The following ANKAR variants were observed in gnomAD, a reference collection of about 807,000 sequenced individuals.
ANKAR encodes ankyrin and armadillo repeat-containing protein.
Under a neutral mutation model 146.2 loss-of-function variants are expected in ANKAR, and 136 were observed. The ratio of observed to expected loss-of-function variants is 0.93; its 90% CI spans 0.81 to 1.07. The LOEUF (loss-of-function observed/expected upper bound fraction) is 1.07. Ranked by LOEUF, ANKAR falls within the 50% of genes least tolerant of loss-of-function variation. The probability of loss-of-function intolerance (pLI) is 0.00; values close to 1 mark genes in which losing one functional copy is unlikely to be tolerated. For synonymous variants in ANKAR, 500 were observed against 575.8 expected (o/e 0.87, Z 1.88); for missense variants, 1,567 against 1,679.9 (o/e 0.93, Z 1.18).
chr2:189,743,993 C>T (rs533541502), intron 21 of ANKAR, among the ~76,000 whole-genome samples: 1 of 152,064 alleles, frequency 6.6e-6, no homozygotes, highest in Non-Finnish European at 1.5e-5. Context: ...TTAACTCCCC[C>T]CAAAAAGGGA....
At chr2:189,679,375 G>A (rs1253109664) in intron 2 of ANKAR, among the ~76,000 whole-genome samples, 1 of 151,998 alleles carries the variant, frequency 6.6e-6, no homozygotes, top group Non-Finnish European at 1.5e-5. Context: ...GAATCCTTAG[G>A]GTTTTCTAGG....
rs928580095 is a variant in ANKAR at position 189,711,112 on chromosome 2, G to T, written c.2183G>T (p.Cys728Phe). 5.6e-5 allele frequency: 91 copies of T among 1,613,952 alleles called. No homozygotes were observed. The highest frequency in any genetic ancestry group is 7.3e-5 in the Non-Finnish European group (86 of 1,179,988). ...MMAVMSLEVI[C>F]LANDQYWRCI... is the part of the protein sequence containing the mutation. ...GCCGTCATGTCCTTGGAAGTAATTT[G>T]CTTAGCAAATGATCAATACTGGAGA... Residue 728 changes from cysteine to phenylalanine, a missense_variant, in exon 10 of 23, where the codon TGC (cysteine) becomes TTC (phenylalanine). Cys to Phe is a radical substitution (Grantham distance 205). Transcript: ENST00000684021.
chr2:189,690,519 T>C (rs975013097), intron 3 of ANKAR, among the ~76,000 whole-genome samples: 15 of 152,212 alleles, frequency 9.9e-5, no homozygotes, highest in Admixed American at 2.0e-4. Flanking sequence ...TTAATGGAAT[T>C]TGATGGGACT....
At chr2:189,705,320 C>A in intron 8 of ANKAR, 96 bp downstream of exon 8, 1 of 1,260,000 alleles carries the variant, frequency 7.9e-7, no homozygotes. Flanking sequence ...TAAATTTCTG[C>A]TTTTCATGGC....
At chr2:189,759,763 A>T (rs998797964) in intron 18 of ANKAR, among the ~76,000 whole-genome samples, 13 of 141,272 alleles carry the variant, frequency 9.2e-5, no homozygotes, top group South Asian at 2.2e-4. Flanking sequence ...TTATTTATTT[A>T]TTTTTTTAGT....
In ANKAR at chr2:189,746,446, C is replaced by A. The variant is rs755087833; in HGVS notation, c.4124C>A (p.Pro1375His). ...AAAGATTCTTTGACTTTATTACCTC[C>A]TGTAACTAACTTCATGGGACTCTTC... ...QPKDSLTLLP[P>H]VTNFMGLFKA... The change falls in exon 23 of 23, where the codon CCT (proline) becomes CAT (histidine). Residue 1375 changes from proline to histidine, a missense_variant. By Grantham distance (77) the Pro-to-His change is moderately conservative. Coordinates refer to ENST00000684021, the MANE Select transcript of ANKAR (RefSeq NM_001378068.1). 1 of 1,612,742 alleles carries A rather than the reference C, an allele frequency of 6.2e-7. No individual in the cohort carries two copies. Among genetic ancestry groups the A allele is most frequent in the East Asian group, 2.2e-5 (1 of 44,842 alleles).
intron 18 of ANKAR, 121 bp from the exon 19 acceptor site, chr2:189,738,444 A>G (rs1297694581): frequency 1.6e-6 from 1 of 642,574 alleles, no homozygotes; most frequent in Non-Finnish European, 2.7e-6. Context: ...TGAATCCTCT[A>G]AACACTCCCT....
intron 19 of ANKAR, among the ~76,000 whole-genome samples, chr2:189,740,793 A>G (rs2043261296): frequency 6.6e-6 from 1 of 152,056 alleles, no homozygotes; most frequent in Non-Finnish European, 1.5e-5. Flanking sequence ...TCCCAGGTAC[A>G]AGCGATTCTC....
chr2:189,677,170 C>T (rs964385376), intron 2 of ANKAR, 79 bp downstream of exon 2: 71 of 1,374,612 alleles, frequency 5.2e-5, no homozygotes, highest in African/African-American at 8.9e-5. Context: ...AGGGTGGTCA[C>T]GAACCCCTGA....
intron 5 of ANKAR, 104 bp from the exon 6 acceptor site, chr2:189,694,877 T>A: frequency 1.5e-6 from 1 of 653,714 alleles, no homozygotes; most frequent in Non-Finnish European, 2.4e-6. Flanking sequence ...TACCATTTTG[T>A]ATTTAATTGT....
At chr2:189,697,233 TA>T (rs75617061) in intron 7 of ANKAR, among the ~76,000 whole-genome samples, 2,856 of 137,142 alleles carry the variant, frequency 0.021, 88 homozygotes, top group African/African-American at 0.068. Flanking sequence ...CCCATAAAAT[TA>T]AAAAAAAAAA....
intron 10 of ANKAR, among the ~76,000 whole-genome samples, chr2:189,713,882 G>A (rs1223224889): frequency 1.3e-5 from 2 of 152,290 alleles, no homozygotes; most frequent in Admixed American, 6.5e-5. Flanking sequence ...CATGTGCAGA[G>A]ACACACATAG....
At chr2:189,714,231 G>A (rs2105736972) in intron 10 of ANKAR, among the ~76,000 whole-genome samples, 1 of 152,216 alleles carries the variant, frequency 6.6e-6, no homozygotes, top group Admixed American at 6.5e-5. Context: ...AGGATATTCA[G>A]GACCTGAACT....
At chr2:189,729,451 A>G (rs780763934) in intron 15 of ANKAR, among the ~76,000 whole-genome samples, 29 of 152,286 alleles carry the variant, frequency 1.9e-4, no homozygotes, top group Non-Finnish European at 3.7e-4. Context: ...ATAGGAATTG[A>G]TTCTCACATT....
At chr2:189,723,766 A>G (rs2041568271) in intron 12 of ANKAR, among the ~76,000 whole-genome samples, 1 of 152,160 alleles carries the variant, frequency 6.6e-6, no homozygotes, top group Non-Finnish European at 1.5e-5. Flanking sequence ...TTCATCCAGC[A>G]TACTCTTCTT....
At chr2:189,753,725 A>T (rs781633066) in intron 18 of ANKAR, among the ~76,000 whole-genome samples, 1 of 152,230 alleles carries the variant, frequency 6.6e-6, no homozygotes, top group African/African-American at 2.4e-5. Context: ...GAAGCTATAC[A>T]GCTGTCCCAT....
In ANKAR at chr2:189,685,208, C is replaced by T. The variant is rs141617688; in HGVS notation, c.602-4319C>T. On this transcript the variant is annotated intron_variant, in intron 2 of 22. Coordinates refer to ENST00000684021, the MANE Select transcript of ANKAR (RefSeq NM_001378068.1). ...TTTTATTTTTTGTAGAATGTTGTCC[C>T]GGCTGGGACATTTCCTTTCTTTAAT... 4.0e-3 allele frequency among the ~76,000 whole-genome samples: 609 copies of T among 151,602 alleles called. 9 individuals are homozygous for T. Among genetic ancestry groups the T allele is most frequent in the Middle Eastern group, 3.4e-3 (1 of 294 alleles).
chr2:189,752,006 C>T (rs1425966176), intron 18 of ANKAR, among the ~76,000 whole-genome samples: 1 of 151,460 alleles, frequency 6.6e-6, no homozygotes, highest in Admixed American at 6.6e-5. Flanking sequence ...GAGCTGGGCA[C>T]AGCTGTGTGA....
At chr2:189,721,282 G>C (rs965953673) in intron 12 of ANKAR, among the ~76,000 whole-genome samples, 34 of 151,980 alleles carry the variant, frequency 2.2e-4, no homozygotes, top group African/African-American at 7.7e-4. Flanking sequence ...CACCATGCCT[G>C]GCAGATAATG....
Sources: allele counts gnomAD v4.1 joint callset (sites outside exome capture counted in the v4.1 genomes callset), GRCh38; gene constraint gnomAD v4.1.1; transcripts MANE v1.5; gene names NCBI Gene and HGNC (gene_info 2026-07-23, HGNC 2026-07-21).